Variants in NSD3 observed in about 807,000 individuals in gnomAD.
The protein encoded by NSD3 is nuclear receptor binding SET domain protein 3, also known as histone-lysine N-methyltransferase NSD3.
NSD3 carries 24 observed loss-of-function variants against 160.8 expected under a neutral mutation model. That is an observed-to-expected ratio of 0.15 (90% CI 0.11 to 0.21). The LOEUF (loss-of-function observed/expected upper bound fraction) is 0.21. NSD3 is among the 10% of genes least tolerant of loss of function. The pLI, the probability that NSD3 is intolerant of heterozygous loss-of-function variation, is 1.00. For missense variants in NSD3, 1,157 were observed against 1,735.9 expected (o/e 0.67, Z 5.93); for synonymous variants, 520 against 600.0 (o/e 0.87, Z 1.95).
chr8:38,314,521 T>C, intron 12 of NSD3, 126 bp downstream of exon 12: 1 of 1,391,006 alleles, frequency 7.2e-7, no homozygotes, highest in Non-Finnish European at 9.6e-7. Flanking sequence ...TTGAAATACC[T>C]TTGGGAAGAG....
intron 19 of NSD3, among the ~76,000 whole-genome samples, chr8:38,282,469 G>A (rs963080578): frequency 2.0e-5 from 3 of 152,198 alleles, no homozygotes; most frequent in Non-Finnish European, 2.9e-5. Context: ...TCAGGCGTCC[G>A]AGACCAGCCT....
intron 2 of NSD3, among the ~76,000 whole-genome samples, chr8:38,340,096 TA>T (rs201547409): frequency 5.4e-5 from 8 of 147,612 alleles, no homozygotes; most frequent in Non-Finnish European, 7.5e-5. Context: ...GTCTTTTCTG[TA>T]AAAAAAAAAC....
At chr8:38,370,800 T>C (rs1245430769) in intron 1 of NSD3, among the ~76,000 whole-genome samples, 1 of 152,170 alleles carries the variant, frequency 6.6e-6, no homozygotes, top group Admixed American at 6.5e-5. Flanking sequence ...TTTGGGTATG[T>C]GAATTATATC....
At chr8:38,322,265 C>T (rs184305618) in intron 7 of NSD3, among the ~76,000 whole-genome samples, 4 of 151,984 alleles carry the variant, frequency 2.6e-5, no homozygotes, top group Non-Finnish European at 5.9e-5. Context: ...TGGGAAGGAG[C>T]GGGTAGTTTG....
Position 38,277,522 on chromosome 8 carries a change from C to T in NSD3, c.3867+784G>A, listed in dbSNP as rs572337498. ...TAAAACTCCTGACCTTGTGATCCAC[C>T]GGCCTCAGCCTCCCAAAGTGCTGGG... On this transcript the variant is annotated intron_variant, in intron 22 of 23. Coordinates refer to ENST00000317025, the MANE Select transcript of NSD3 (RefSeq NM_023034.2). Among the ~76,000 whole-genome samples, 106 of 152,244 alleles carry T rather than the reference C, an allele frequency of 7.0e-4. 1 individual carries two copies. In the Middle Eastern group the frequency reaches 0.01, roughly 15 times the overall value.
intron 1 of NSD3, among the ~76,000 whole-genome samples, chr8:38,373,622 T>A (rs776864155): frequency 6.6e-6 from 1 of 152,102 alleles, no homozygotes; most frequent in Non-Finnish European, 1.5e-5. Flanking sequence ...ACTAGGAGTA[T>A]CTCCATATGA....
At chr8:38,324,408 T>A (rs980883185) in intron 7 of NSD3, among the ~76,000 whole-genome samples, 14 of 152,218 alleles carry the variant, frequency 9.2e-5, no homozygotes, top group African/African-American at 3.4e-4. Flanking sequence ...AACAGTGATT[T>A]TTTTTTACTT....
intron 1 of NSD3, among the ~76,000 whole-genome samples, chr8:38,374,873 G>A (rs992932628): frequency 1.3e-5 from 2 of 151,818 alleles, no homozygotes; most frequent in African/African-American, 2.4e-5. Context: ...GCGTGCTGGG[G>A]GGCGCCTGTA....
chr8:38,344,076 A>G (rs996086485), intron 2 of NSD3, among the ~76,000 whole-genome samples: 2 of 152,200 alleles, frequency 1.3e-5, no homozygotes, highest in Non-Finnish European at 2.9e-5. Context: ...TTTAAAATAT[A>G]CAATTTCAGT....
At chr8:38,301,188 C>G (rs745676097) in intron 14 of NSD3, among the ~76,000 whole-genome samples, 10 of 152,132 alleles carry the variant, frequency 6.6e-5, no homozygotes, top group Non-Finnish European at 1.3e-4. Context: ...CCAGGCTGGT[C>G]TTGAATTCCT....
rs149957720 is a variant in NSD3 at position 38,294,618 on chromosome 8, C to T, written c.2915+1178G>A. Among the ~76,000 whole-genome samples the T allele has an allele frequency of 5.6e-3, 846 of 152,158 alleles. 3 individuals are homozygous for T. The highest frequency in any genetic ancestry group is 0.019 in the African/African-American group (808 of 41,492). ...ATTCAGGGGCAAAGAGCTATTTTGA[C>T]CAGAATATAAACTTGATTTTATTAG... On this transcript the variant is annotated intron_variant, in intron 16 of 23. Transcript: ENST00000317025.
At chr8:38,334,598 C>CA (rs541026502) in intron 4 of NSD3, among the ~76,000 whole-genome samples, 4,752 of 140,644 alleles carry the variant, frequency 0.034, 98 homozygotes, top group Middle Eastern at 0.13. Context: ...ACTAAAAATA[C>CA]AAAAAAAAAA....
At chr8:38,326,119 G>A (rs1809905972) in intron 7 of NSD3, among the ~76,000 whole-genome samples, 2 of 151,922 alleles carry the variant, frequency 1.3e-5, no homozygotes, top group South Asian at 4.2e-4. Context: ...CTGCACTCCA[G>A]CCTGAGTGGC....
chr8:38,346,464 A>T lies in NSD3; in HGVS notation c.675+1033T>A, dbSNP rs186725298. 4.7e-4 allele frequency among the ~76,000 whole-genome samples: 71 copies of T among 150,706 alleles called. 1 individual carries two copies. The highest frequency in any genetic ancestry group is 1.3e-3 in the African/African-American group (54 of 41,284). ...TGTATTTTCTGGCTCCCCTCACTAG[A>T]ATATAAGCATCCTGAGAGCAGGCAT... is the stretch of plus-strand genomic sequence containing the variant. On this transcript the variant is annotated intron_variant, in intron 2 of 23. Coordinates refer to ENST00000317025, the MANE Select transcript of NSD3 (RefSeq NM_023034.2).
At chr8:38,372,334 C>T (rs1163233254) in intron 1 of NSD3, among the ~76,000 whole-genome samples, 1 of 151,998 alleles carries the variant, frequency 6.6e-6, no homozygotes, top group Non-Finnish European at 1.5e-5. Context: ...TGTTATTCAT[C>T]GGTAAGGTAC....
Position 38,382,032 on chromosome 8 carries a change from G to A in NSD3, c.-278C>T, listed in dbSNP as rs924045182. 6 of 152,824 alleles carry A rather than the reference G, an allele frequency of 3.9e-5. No individual in the cohort carries two copies. The highest frequency in any genetic ancestry group is 5.9e-5 in the Non-Finnish European group (4 of 68,120). 9.5% of individuals were successfully genotyped at this position (152,824 alleles called of 1,614,324 possible). On this transcript the variant is annotated 5_prime_UTR_variant, in exon 1 of 24. Coordinates refer to ENST00000317025, the MANE Select transcript of NSD3 (RefSeq NM_023034.2). The surrounding 1 kb of genome is among the most constrained non-coding windows in gnomAD (Gnocchi z 4.2). ...CCGGGCCGGGCCGGGCGTGCTGCGG[G>A]AAGAGGAAGGCTCGGGAGGTGGGAT...
chr8:38,292,788 C>CA (rs1189564555), intron 16 of NSD3, among the ~76,000 whole-genome samples: 1 of 149,432 alleles, frequency 6.7e-6, no homozygotes, highest in African/African-American at 2.5e-5. Flanking sequence ...GACTCTGTCT[C>CA]AAAAAAACAA....
intron 19 of NSD3, among the ~76,000 whole-genome samples, chr8:38,284,540 A>T (rs1373991693): frequency 6.6e-6 from 1 of 152,156 alleles, no homozygotes. Flanking sequence ...GGTGTGCATC[A>T]CCACACCCAG....
chr8:38,313,948 T>G (rs1000919241), intron 12 of NSD3, among the ~76,000 whole-genome samples: 1 of 152,148 alleles, frequency 6.6e-6, no homozygotes, highest in Non-Finnish European at 1.5e-5. Flanking sequence ...CAGCATATCA[T>G]GTACACTTGC....
Sources: gnomAD v4.1 joint callset for allele counts (sites outside exome capture counted in the v4.1 genomes callset) on GRCh38, gnomAD v4.1.1 for gene constraint, Gnocchi (gnomAD v3.1) non-coding constraint, MANE v1.5 for transcripts, NCBI Gene and HGNC (gene_info 2026-07-23, HGNC 2026-07-21) for gene names.